Variants in SYNE1 observed in about 807,000 individuals in gnomAD.
SYNE1 encodes the protein nesprin-1.
A neutral mutation model predicts 1,111.0 loss-of-function variants in SYNE1; 616 were observed. The observed-to-expected ratio is 0.55, with a 90% CI of 0.52 to 0.59. The LOEUF (loss-of-function observed/expected upper bound fraction) is 0.59. Among genes scored for constraint, SYNE1 ranks in the 20% least tolerant of loss-of-function variants. The pLI is 0.00. For missense variants in SYNE1, 10,006 were observed against 10,417.0 expected (o/e 0.96, Z 1.72); for synonymous variants, 3,855 against 3,825.8 (o/e 1.01, Z -0.28).
chr6:152,637,326 G>A lies in SYNE1; in HGVS notation c.-529C>T, dbSNP rs9478345. 49,419 of 152,276 alleles carry A rather than the reference G, an allele frequency of 0.32. 9,233 individuals carry two copies. The highest frequency in any genetic ancestry group is 0.58 in the East Asian group (2,966 of 5,142). The allele number at this position is 152,276 out of a possible 1,614,324, so 9.4% of individuals were successfully genotyped here. On this transcript the variant is annotated 5_prime_UTR_variant, in exon 1 of 146. Transcript: ENST00000367255. Reference sequence around the variant, plus strand: ...AGGAAATGTCCCTGAGAGCCGGGACGCGCTGCCTCCGCTGCCTGGAGGAGC... The same window carrying A: ...AGGAAATGTCCCTGAGAGCCGGGACACGCTGCCTCCGCTGCCTGGAGGAGC...
chr6:152,422,847 T>G (rs2098288272), intron 39 of SYNE1, among the ~76,000 whole-genome samples: 1 of 152,206 alleles, frequency 6.6e-6, no homozygotes, highest in South Asian at 2.1e-4. Flanking sequence ...CTTCAAAACT[T>G]TCCATTTAGC....
intron 131 of SYNE1, among the ~76,000 whole-genome samples, chr6:152,157,516 A>G (rs750027482): frequency 2.0e-5 from 3 of 152,216 alleles, no homozygotes; most frequent in Non-Finnish European, 4.4e-5. Flanking sequence ...TAGAATGACT[A>G]TAGTTAACAA....
At chr6:152,448,439 A>AT (rs112863750) in intron 28 of SYNE1, among the ~76,000 whole-genome samples, 8,505 of 151,898 alleles carry the variant, frequency 0.056, 279 homozygotes, top group Non-Finnish European at 0.068. Context: ...TAGGATGTGA[A>AT]TTTTTTTTTG....
chr6:152,633,224 A>AT (rs2099700855), intron 2 of SYNE1, among the ~76,000 whole-genome samples: 2 of 152,258 alleles, frequency 1.3e-5, no homozygotes, highest in African/African-American at 2.4e-5. Context: ...TTTGATGGAC[A>AT]TTCATGGGCT....
chr6:152,634,649 A>G (rs896166917), intron 2 of SYNE1, among the ~76,000 whole-genome samples: 2 of 152,248 alleles, frequency 1.3e-5, no homozygotes, highest in African/African-American at 4.8e-5. Flanking sequence ...ACAATAAGAA[A>G]TGATCTTTTC....
intron 107 of SYNE1, among the ~76,000 whole-genome samples, chr6:152,240,863 A>G (rs897024106): frequency 6.6e-6 from 1 of 152,230 alleles, no homozygotes; most frequent in Non-Finnish European, 1.5e-5. Context: ...TCTCACCAGC[A>G]CTGCAGAACT....
At chr6:152,175,978 T>C (rs2066366162) in intron 130 of SYNE1, among the ~76,000 whole-genome samples, 1 of 151,896 alleles carries the variant, frequency 6.6e-6, no homozygotes, top group Non-Finnish European at 1.5e-5. Context: ...TTTATTTCTA[T>C]ACCTTGCTAA....
Position 152,463,516 on chromosome 6 carries a change from T to C in SYNE1, c.1934A>G (p.Asp645Gly). ...CCAATGAGGTAAATTTCGAAAAAAA[T>C]CCTAAACAATAAATAATGCACAATA... ...MLNQSENAKK[D>G]FFRNLPHWIQ... Residue 645 changes from aspartate to glycine, a missense_variant and splice_region_variant, in exon 19 of 146, where the codon GAT (aspartate) becomes GGT (glycine). Around this residue, in one of 7 missense-constraint regions of SYNE1, gnomAD observed 1,971 missense variants for 2,084.1 expected, o/e 0.95. Transcript: ENST00000367255. 6.2e-7 allele frequency: 1 copy of C among 1,611,792 alleles called. No homozygotes were observed. Among genetic ancestry groups the C allele is most frequent in the Non-Finnish European group, 8.5e-7 (1 of 1,178,510 alleles).
intron 4 of SYNE1, among the ~76,000 whole-genome samples, chr6:152,531,964 T>C (rs187063971): frequency 6.6e-6 from 1 of 152,228 alleles, no homozygotes; most frequent in Non-Finnish European, 1.5e-5. Flanking sequence ...TGAGCGTGAG[T>C]GTATTAATAT....
At chr6:152,179,500 A>G (rs2067333524) in intron 129 of SYNE1, 1 of 151,010 alleles carries the variant, frequency 6.6e-6, no homozygotes. Flanking sequence ...AAAAACAAAA[A>G]AAAAAGGAAA....
chr6:152,502,354 A>G (rs2099034334), intron 10 of SYNE1, among the ~76,000 whole-genome samples: 1 of 152,200 alleles, frequency 6.6e-6, no homozygotes, highest in Non-Finnish European at 1.5e-5. Flanking sequence ...TCAGATCACT[A>G]AGATGGAGTT....
At chr6:152,583,508 C>T (rs2099527224) in intron 3 of SYNE1, among the ~76,000 whole-genome samples, 1 of 152,174 alleles carries the variant, frequency 6.6e-6, no homozygotes, top group East Asian at 1.9e-4. Context: ...ATAAATGTTG[C>T]CTGTTTTATT....
intron 143 of SYNE1, among the ~76,000 whole-genome samples, chr6:152,132,607 T>C (rs2056062914): frequency 6.6e-6 from 1 of 152,240 alleles, no homozygotes; most frequent in Non-Finnish European, 1.5e-5. Context: ...AAACAAAAGA[T>C]AGTCATCTAG....
chr6:152,519,174 T>C (rs916010642), intron 6 of SYNE1, among the ~76,000 whole-genome samples: 3 of 152,102 alleles, frequency 2.0e-5, no homozygotes, highest in African/African-American at 7.2e-5. Flanking sequence ...AATAAACATA[T>C]ACATTTTCTA....
intron 66 of SYNE1, among the ~76,000 whole-genome samples, chr6:152,357,877 A>G (rs867045511): frequency 2.0e-5 from 3 of 152,106 alleles, no homozygotes; most frequent in Non-Finnish European, 4.4e-5. Flanking sequence ...TGGCCTGGGC[A>G]CTAACACTTA....
chr6:152,572,970 G>C (rs1050187598), intron 3 of SYNE1, among the ~76,000 whole-genome samples: 7 of 152,104 alleles, frequency 4.6e-5, no homozygotes, highest in African/African-American at 1.7e-4. Context: ...CTTCTGGGAA[G>C]GATTCCTTCT....
intron 3 of SYNE1, among the ~76,000 whole-genome samples, chr6:152,555,916 T>C (rs1486873738): frequency 6.6e-6 from 1 of 152,180 alleles, no homozygotes; most frequent in Non-Finnish European, 1.5e-5. Context: ...ATTTGTTTCC[T>C]AATAAGGAAA....
intron 111 of SYNE1, 103 bp from the exon 112 acceptor site, chr6:152,234,066 G>T: frequency 8.2e-7 from 1 of 1,222,878 alleles, no homozygotes; most frequent in Non-Finnish European, 1.2e-6. Context: ...TTACATCCTG[G>T]AGGGGGTTAT....
intron 137 of SYNE1, 142 bp from the exon 138 acceptor site, chr6:152,143,907 G>T: frequency 8.4e-7 from 1 of 1,189,946 alleles, no homozygotes; most frequent in Non-Finnish European, 1.2e-6. Flanking sequence ...AGCAAATTTA[G>T]TACCATCGTG....
Sources: gnomAD v4.1 joint callset for allele counts (sites outside exome capture counted in the v4.1 genomes callset) on GRCh38, gnomAD v4.1.1 for gene constraint, gnomAD v4.1.1 regional missense constraint, MANE v1.5 for transcripts, NCBI Gene and HGNC (gene_info 2026-07-23, HGNC 2026-07-21) for gene names.